PWWP3A: variants seen among roughly 807,000 people sequenced by gnomAD.
The protein encoded by PWWP3A is PWWP domain-containing DNA repair factor 3A.
Under a neutral mutation model 79.0 loss-of-function variants are expected in PWWP3A, and 53 were observed. The observed-to-expected ratio is 0.67, with a 90% CI of 0.54 to 0.84. PWWP3A has a LOEUF of 0.84. Among genes scored for constraint, PWWP3A ranks in the 40% least tolerant of loss-of-function variants. The probability of loss-of-function intolerance (pLI) is 0.00; values close to 1 mark genes in which losing one functional copy is unlikely to be tolerated. For missense variants in PWWP3A, 973 were observed against 948.0 expected (o/e 1.03, Z -0.35); for synonymous variants, 443 against 394.4 (o/e 1.12, Z -1.46).
Position 1,362,230 on chromosome 19 carries a change from T to TAATAA in PWWP3A, c.1112-16_1112-15insAAATA. 1 of 1,597,638 alleles carries TAATAA rather than the reference T, an allele frequency of 6.3e-7. No homozygotes were observed. Among genetic ancestry groups the TAATAA allele is most frequent in the Non-Finnish European group, 8.6e-7 (1 of 1,169,074 alleles). ...AGACAATGCAATGACCATGAAAGTC[T>TAATAA]AATATCACATTATTGGCAGAGTGCC... On this transcript the variant is annotated intron_variant, in intron 5 of 13. Transcript: ENST00000591337.
chr19:1,374,481 C>G (rs1183146969), intron 13 of PWWP3A: 2 of 152,236 alleles, frequency 1.3e-5, no homozygotes, highest in Non-Finnish European at 2.9e-5. Context: ...CCCTCTTGTT[C>G]TTTTAGAGTT....
chr19:1,362,523 C>T (rs904794567), intron 6 of PWWP3A, among the ~76,000 whole-genome samples, 172 bp downstream of exon 6: 2 of 152,180 alleles, frequency 1.3e-5, no homozygotes, highest in Non-Finnish European at 2.9e-5. Context: ...GTTTTCAGTC[C>T]TCTATCTTAA....
chr19:1,357,361 A>G (rs1301380030), intron 3 of PWWP3A: 1 of 274,190 alleles, frequency 3.6e-6, no homozygotes, highest in Admixed American at 5.0e-5. Context: ...AATTATACTC[A>G]GGGTAGACCC....
intron 4 of PWWP3A, 47 bp downstream of exon 4, chr19:1,358,511 G>C: frequency 1.9e-6 from 3 of 1,608,668 alleles, no homozygotes; most frequent in African/African-American, 2.7e-5. Flanking sequence ...TAAAATAAGA[G>C]GTCATTTGGG....
rs942913628 is a variant in PWWP3A, at chr19:1,377,110, G to A, written c.*534G>A. The A allele has an allele frequency of 6.5e-6, 1 of 152,822 alleles. No homozygotes were observed. Among genetic ancestry groups the A allele is most frequent in the Admixed American group, 6.5e-5 (1 of 15,324 alleles). 9.5% of individuals were successfully genotyped at this position (152,822 alleles called of 1,614,324 possible). A position where few individuals can be genotyped will look rare whatever the true frequency, so the allele number is the denominator to read the frequency against. On this transcript the variant is annotated 3_prime_UTR_variant, in exon 14 of 14. Coordinates refer to ENST00000591337, the MANE Select transcript of PWWP3A (RefSeq NM_001369789.1). ...AGCTGTGAGGAAACAGCCTTCGTTA[G>A]AGGCGGGAGCAGAGACGAGCCGCTG...
rs202216624 is a variant in PWWP3A at position 1,371,087 on chromosome 19, C to T, written c.1986+9C>T. Reference sequence around the variant, plus strand: ...ACGTGCTTCTGCCCGAGGTGAGCCGCGGACCGGCGTGTCACGTGGGCAGGG... The same window carrying T: ...ACGTGCTTCTGCCCGAGGTGAGCCGTGGACCGGCGTGTCACGTGGGCAGGG... On this transcript the variant is annotated intron_variant, in intron 12 of 13. Transcript: ENST00000591337. The T allele has an allele frequency of 2.1e-5, 32 of 1,553,870 alleles. 1 individual carries two copies. The highest frequency in any genetic ancestry group is 6.8e-5 in the African/African-American group (5 of 73,332).
At chr19:1,373,421 G>T (rs2082303418) in intron 13 of PWWP3A, 1 of 518,990 alleles carries the variant, frequency 1.9e-6, no homozygotes, top group Admixed American at 3.4e-5. Flanking sequence ...GGCCGTGTCT[G>T]TTCTTAATCT....
intron 6 of PWWP3A, among the ~76,000 whole-genome samples, chr19:1,362,708 G>T (rs56017423): frequency 3.9e-5 from 6 of 152,330 alleles, no homozygotes; most frequent in Non-Finnish European, 8.8e-5. Flanking sequence ...GTGTGGCCAC[G>T]TACTGTCTCG....
chr19:1,361,208 A>C (rs1475026070), intron 5 of PWWP3A, among the ~76,000 whole-genome samples, 176 bp downstream of exon 5: 1 of 152,188 alleles, frequency 6.6e-6, no homozygotes, highest in Non-Finnish European at 1.5e-5. Flanking sequence ...ACTGGGCTAT[A>C]ATTGCTTCAA....
At chr19:1,356,861 C>G in intron 2 of PWWP3A, 148 bp from the exon 3 acceptor site, 2 of 650,484 alleles carry the variant, frequency 3.1e-6, no homozygotes, top group East Asian at 2.8e-5. Context: ...GTTTCCCCAT[C>G]TGTGAAACAA....
rs1034314363 is a variant in PWWP3A, at chr19:1,365,971, C to T, written c.1285-334C>T. On this transcript the variant is annotated intron_variant, in intron 7 of 13. Transcript: ENST00000591337. Reference sequence around the variant, plus strand: ...CCTTTCTGCACTTCCTCCACTCACCCAGAGCATTAGGAGGACAAACCTGCC... The same window carrying T: ...CCTTTCTGCACTTCCTCCACTCACCTAGAGCATTAGGAGGACAAACCTGCC... Among the ~76,000 whole-genome samples the T allele has an allele frequency of 7.2e-5, 11 of 152,372 alleles. No individual in the cohort carries two copies. The East Asian group carries it at 2.1e-3, about 29-fold the overall frequency.
chr19:1,364,070 T>G, intron 6 of PWWP3A: 1 of 478,462 alleles, frequency 2.1e-6, no homozygotes, highest in South Asian at 1.5e-5. Flanking sequence ...CCCAGAATCC[T>G]CTTTAGAATC....
At position 1,373,172 on chromosome 19, in the gene PWWP3A, C is replaced by T. The variant is rs554435483; in HGVS notation, c.2075+12C>T. 9.9e-6 allele frequency: 16 copies of T among 1,610,484 alleles called. No individual in the cohort carries two copies. The African/African-American group carries it at 1.7e-4, about 17-fold the overall frequency. On this transcript the variant is annotated intron_variant, in intron 13 of 13. Coordinates refer to ENST00000591337, the MANE Select transcript of PWWP3A (RefSeq NM_001369789.1). The stretch of plus-strand genomic sequence containing the variant: ...TCGCTGAGCTACCGGTAGGCCGCTC[C>T]CGGCGCTATCTCCAGCCACTTGCGT...
chr19:1,363,461 A>C (rs536308012), intron 6 of PWWP3A, among the ~76,000 whole-genome samples: 1 of 152,248 alleles, frequency 6.6e-6, no homozygotes, highest in African/African-American at 2.4e-5. Context: ...ACTTCCAGGA[A>C]ATCATTTCTG....
Position 1,356,397 on chromosome 19 carries a change from C to T in PWWP3A, c.5C>T (p.Ala2Val), listed in dbSNP as rs1280779126. 3.1e-6 allele frequency: 5 copies of T among 1,614,096 alleles called. No homozygotes were observed. Among genetic ancestry groups the T allele is most frequent in the Admixed American group, 3.3e-5 (2 of 60,020 alleles). The change falls in exon 2 of 14, where the codon GCG becomes GTG. Residue 2 changes from alanine (A) to valine (V), a missense_variant. Transcript: ENST00000591337. M[A>V]DAKYVLCRWE... is the part of the protein sequence containing the mutation. ...CTTGCCACATGAGTGTAAATGATGG[C>T]GGATGCCAAGTATGTCCTCTGCCGA...
rs770263840 is a variant in PWWP3A, at chr19:1,356,331, T to C, written c.-62T>C. On this transcript the variant is annotated 5_prime_UTR_variant, in exon 2 of 14. Transcript: ENST00000591337. ...GTGCAAATTTCGTTCCAGGACACAT[T>C]GGCGTGAGACCTGGGAGTACGTTGT... is the stretch of plus-strand genomic sequence containing the variant. 3.0e-5 allele frequency: 46 copies of C among 1,546,620 alleles called. No homozygotes were observed. Among genetic ancestry groups the C allele is most frequent in the Middle Eastern group, 1.7e-4 (1 of 5,962 alleles).
chr19:1,364,180 G>A (rs764771118), intron 6 of PWWP3A: 1 of 552,706 alleles, frequency 1.8e-6, no homozygotes, highest in Non-Finnish European at 3.5e-6. Context: ...TTAGAGTTAG[G>A]AAAGTCGCGC....
chr19:1,373,390 G>T (rs1051943969), intron 13 of PWWP3A: 37 of 573,002 alleles, frequency 6.5e-5, no homozygotes, highest in Non-Finnish European at 1.1e-4. Flanking sequence ...TGGGCAGCAC[G>T]GGGCCACGGG....
chr19:1,357,999 A>AG (rs2081921006), intron 3 of PWWP3A: 1 of 170,452 alleles, frequency 5.9e-6, no homozygotes, highest in Admixed American at 6.3e-5. Context: ...CGAGTTTAAA[A>AG]GGAAAGCACA....
Sources: gnomAD v4.1 joint callset for allele counts (sites outside exome capture counted in the v4.1 genomes callset) on GRCh38, gnomAD v4.1.1 for gene constraint, MANE v1.5 for transcripts, NCBI Gene and HGNC (gene_info 2026-07-23, HGNC 2026-07-21) for gene names.